Variants in KCNN3 observed in about 807,000 individuals in gnomAD.
KCNN3 encodes the protein potassium calcium-activated channel subfamily N member 3, also known as small conductance calcium-activated potassium channel protein 3.
In KCNN3, 16 loss-of-function variants were observed where a neutral mutation model predicts 62.9. The ratio of observed to expected loss-of-function variants is 0.25; its 90% CI spans 0.17 to 0.39. The LOEUF (loss-of-function observed/expected upper bound fraction) is 0.39. Among genes scored for constraint, KCNN3 ranks in the 10% least tolerant of loss-of-function variants. The probability of loss-of-function intolerance (pLI) is 1.00; values close to 1 mark genes in which losing one functional copy is unlikely to be tolerated. For synonymous variants in KCNN3, 370 were observed against 389.2 expected (o/e 0.95, Z 0.58); for missense variants, 599 against 949.4 (o/e 0.63, Z 4.85).
chr1:154,707,707 C>G lies in KCNN3; in HGVS notation c.*269G>C. 3 of 427,846 alleles carry G rather than the reference C, an allele frequency of 7.0e-6. No homozygotes were observed. The South Asian group carries it at 1.1e-4, about 15-fold the overall frequency. 26.5% of individuals were successfully genotyped at this position (427,846 alleles called of 1,614,324 possible). A position where few individuals can be genotyped will look rare whatever the true frequency, so the allele number is the denominator to read the frequency against. ...TTGAGCGTGGATTTCTGTTCTCCAC[C>G]AACTCTGCAGCAAGGGCCCTGCCAG... On this transcript the variant is annotated 3_prime_UTR_variant, in exon 8 of 8. Coordinates refer to ENST00000271915, the MANE Select transcript of KCNN3 (RefSeq NM_002249.6).
Position 154,842,637 on chromosome 1 carries a change from C to G in KCNN3, c.934-20453G>C, listed in dbSNP as rs930872120. Among the ~76,000 whole-genome samples, 7 of 20,752 alleles carry G rather than the reference C, an allele frequency of 3.4e-4. 1 individual carries two copies. The highest frequency in any genetic ancestry group is 3.6e-3 in the South Asian group (2 of 554). 13.6% of individuals were successfully genotyped at this position (20,752 alleles called of 152,430 possible). ...CTGTGGCTCATTCAGGGACCCCCCCCCCGCCACCACCTCCTCTGTGAGCTT... is the reference window on the plus strand; with the variant it reads ...CTGTGGCTCATTCAGGGACCCCCCCGCCGCCACCACCTCCTCTGTGAGCTT... On this transcript the variant is annotated intron_variant, in intron 1 of 7. Transcript: ENST00000271915.
At chr1:154,749,673 C>G (rs761339138) in intron 3 of KCNN3, among the ~76,000 whole-genome samples, 3 of 151,932 alleles carry the variant, frequency 2.0e-5, no homozygotes, top group African/African-American at 4.8e-5. Context: ...CCCAGGGAAT[C>G]AGAGAGAGAG....
At chr1:154,757,871 T>C (rs1417826296) in intron 3 of KCNN3, among the ~76,000 whole-genome samples, 1 of 152,108 alleles carries the variant, frequency 6.6e-6, no homozygotes, top group Non-Finnish European at 1.5e-5. Flanking sequence ...GAAAAAGAAA[T>C]ACCTGGCTGC....
chr1:154,820,322 A>G (rs1557992169), intron 2 of KCNN3, among the ~76,000 whole-genome samples: 1 of 152,258 alleles, frequency 6.6e-6, no homozygotes, highest in Non-Finnish European at 1.5e-5. Context: ...GAGCAGAAAG[A>G]GGAAGTAATC....
chr1:154,807,133 A>G (rs1650204488), intron 2 of KCNN3, among the ~76,000 whole-genome samples: 1 of 152,086 alleles, frequency 6.6e-6, no homozygotes, highest in East Asian at 1.9e-4. Flanking sequence ...AACAGACACC[A>G]CATGTTTAGA....
At chr1:154,755,667 GAA>G (rs1647633812) in intron 3 of KCNN3, among the ~76,000 whole-genome samples, 1 of 149,024 alleles carries the variant, frequency 6.7e-6, no homozygotes, top group Non-Finnish European at 1.5e-5. Context: ...AAGGAAGGAA[GAA>G]AGAGGGAGAG....
At chr1:154,848,505 GC>G (rs1652174416) in intron 1 of KCNN3, among the ~76,000 whole-genome samples, 1 of 152,076 alleles carries the variant, frequency 6.6e-6, no homozygotes, top group Admixed American at 6.6e-5. Context: ...TGTTCCCTGT[GC>G]CTTTAGACAA....
At position 154,809,517 on chromosome 1, in the gene KCNN3, C is replaced by T. The variant is rs1176581342; in HGVS notation, c.1029+12572G>A. Among the ~76,000 whole-genome samples, 2 of 152,192 alleles carry T rather than the reference C, an allele frequency of 1.3e-5. No homozygotes were observed. The highest frequency in any genetic ancestry group is 4.8e-5 in the African/African-American group (2 of 41,426). On this transcript the variant is annotated intron_variant, in intron 2 of 7. Coordinates refer to ENST00000271915, the MANE Select transcript of KCNN3 (RefSeq NM_002249.6). The surrounding 1 kb of genome is among the most constrained non-coding windows in gnomAD (Gnocchi z 4.3). The stretch of plus-strand genomic sequence containing the variant: ...TTTACTTCTCCTGTCTTTAGTCCAA[C>T]CAAAGAAAGTTTACCTCCCAGATTT...
chr1:154,780,186 CTTTT>C (rs1055331171), intron 2 of KCNN3, among the ~76,000 whole-genome samples: 88 of 91,536 alleles, frequency 9.6e-4, no homozygotes, highest in African/African-American at 3.5e-3. Flanking sequence ...TGCCTTTTTT[CTTTT>C]TTTCTTTTTT....
chr1:154,812,432 C>A (rs1321373684), intron 2 of KCNN3, among the ~76,000 whole-genome samples: 1 of 151,984 alleles, frequency 6.6e-6, no homozygotes, highest in Non-Finnish European at 1.5e-5. Context: ...CAACAGGCCC[C>A]GGTGTGTGAT....
intron 3 of KCNN3, among the ~76,000 whole-genome samples, chr1:154,738,021 AAAG>A (rs1280016742): frequency 1.3e-5 from 2 of 152,208 alleles, no homozygotes; most frequent in African/African-American, 4.8e-5. Context: ...ACTGGGGGGA[AAAG>A]AAGGAGAAAG....
intron 2 of KCNN3, among the ~76,000 whole-genome samples, chr1:154,787,219 C>T (rs1290720349): frequency 2.0e-5 from 3 of 152,256 alleles, no homozygotes; most frequent in Non-Finnish European, 4.4e-5. Context: ...TGGCCCACTC[C>T]GCTCCCCCAC....
intron 3 of KCNN3, among the ~76,000 whole-genome samples, chr1:154,765,419 TAA>T: frequency 6.6e-6 from 1 of 152,326 alleles, no homozygotes; most frequent in East Asian, 1.9e-4. Context: ...TTAAATTTTT[TAA>T]GTTTGTCTCC....
At chr1:154,720,579 T>G (rs202228002) in intron 5 of KCNN3, among the ~76,000 whole-genome samples, 2 of 101,168 alleles carry the variant, frequency 2.0e-5, no homozygotes, top group South Asian at 3.0e-4. Flanking sequence ...CTGAAGAAAA[T>G]TTTCTTCTAG....
intron 3 of KCNN3, 26 bp downstream of exon 3, chr1:154,771,948 GT>G (rs1557967837): frequency 6.2e-7 from 1 of 1,611,900 alleles, no homozygotes; most frequent in South Asian, 1.1e-5. Flanking sequence ...CACAGGCTCT[GT>G]ACTCAGAAAG....
chr1:154,869,812 G>C lies in KCNN3; in HGVS notation c.153C>G (p.Pro51=), dbSNP rs1410650511. 4.6e-6 allele frequency: 7 copies of C among 1,519,770 alleles called. No homozygotes were observed. The highest frequency in any genetic ancestry group is 6.2e-6 in the Non-Finnish European group (7 of 1,127,280). The allele number at this position is 1,519,770 out of a possible 1,614,324, so 94.1% of individuals were successfully genotyped here. A position where few individuals can be genotyped will look rare whatever the true frequency, so the allele number is the denominator to read the frequency against. ...QPPPPAPPAA[P]QQPLGPSLQP... ...GCAGCGAGGGTCCCAGGGGCTGCTG[G>C]GGGGCTGCTGGTGGCGCTGGCGGTG... The change falls in exon 1 of 8, where the codon CCC becomes CCG. Residue 51 remains proline (P), a synonymous_variant. Transcript: ENST00000271915. This position sits in a 1 kb window ranked among gnomAD's most constrained non-coding sequence, Gnocchi z 6.1.
At chr1:154,852,943 A>C (rs1350733054) in intron 1 of KCNN3, among the ~76,000 whole-genome samples, 3 of 152,084 alleles carry the variant, frequency 2.0e-5, no homozygotes, top group Non-Finnish European at 4.4e-5. Context: ...TCCAATAGAC[A>C]TCACCTTTTT....
intron 3 of KCNN3, among the ~76,000 whole-genome samples, chr1:154,752,488 T>C (rs2135696): frequency 0.87 from 132,606 of 151,938 alleles, 57,989 homozygotes; most frequent in East Asian, 1. Context: ...TGGAGGACTC[T>C]GCGGGCAGCA....
At chr1:154,738,221 G>T (rs1011372373) in intron 3 of KCNN3, among the ~76,000 whole-genome samples, 7 of 152,112 alleles carry the variant, frequency 4.6e-5, no homozygotes, top group African/African-American at 7.2e-5. Context: ...GAGCTTTAGG[G>T]GTTTTGGGGG....
Sources: gnomAD v4.1 joint callset for allele counts (sites outside exome capture counted in the v4.1 genomes callset) on GRCh38, gnomAD v4.1.1 for gene constraint, Gnocchi (gnomAD v3.1) non-coding constraint, MANE v1.5 for transcripts, NCBI Gene and HGNC (gene_info 2026-07-23, HGNC 2026-07-21) for gene names.